Variants in DIAPH3 observed in about 807,000 individuals in gnomAD.
The protein encoded by DIAPH3 is protein diaphanous homolog 3.
A neutral mutation model predicts 144.3 loss-of-function variants in DIAPH3; 117 were observed. The observed-to-expected ratio is 0.81, with a 90% confidence interval of 0.70 to 0.95. The LOEUF (loss-of-function observed/expected upper bound fraction) is 0.95, where lower values mean the gene tolerates loss of function less well. Among genes scored for constraint, DIAPH3 ranks in the 40% least tolerant of loss-of-function variants. The probability of loss-of-function intolerance (pLI) is 0.00; values close to 1 mark genes in which losing one functional copy is unlikely to be tolerated. For missense variants in DIAPH3, 1,421 were observed against 1,412.7 expected (o/e 1.01, Z -0.09); for synonymous variants, 519 against 488.9 (o/e 1.06, Z -0.81).
intron 7 of DIAPH3, 59 bp from the exon 8 acceptor site, chr13:60,010,728 C>T: frequency 2.0e-6 from 3 of 1,538,452 alleles, no homozygotes; most frequent in South Asian, 2.3e-5. Context: ...AAATAATACC[C>T]TGAAGGAAAT....
chr13:59,833,269 T>A lies in DIAPH3; in HGVS notation c.2865A>T (p.Arg955Ser). The A allele has an allele frequency of 6.2e-7, 1 of 1,605,768 alleles. No individual in the cohort carries two copies. The highest frequency in any genetic ancestry group is 1.3e-5 in the African/African-American group (1 of 74,762). Residue 955 changes from arginine (R) to serine (S), a missense_variant and splice_region_variant, in exon 24 of 28, where the codon AGA becomes AGT. Arg to Ser is a moderately radical substitution (Grantham distance 110). Transcript: ENST00000400324. ...ATTGTTCTTTTGCACTGATAACAAA[T>A]CTGTATACTATAGTTAAGGTATTCT... ...LHDKFVTKMS[R>S]FVISAKEQYE... is the part of the protein sequence containing the mutation.
chr13:59,748,651 C>A (rs532178332), intron 27 of DIAPH3, among the ~76,000 whole-genome samples: 1 of 152,262 alleles, frequency 6.6e-6, no homozygotes, highest in East Asian at 1.9e-4. Flanking sequence ...TTTACAAATC[C>A]ATTTTTCTTC....
chr13:60,073,528 T>C (rs998609704), intron 4 of DIAPH3, among the ~76,000 whole-genome samples: 11 of 152,214 alleles, frequency 7.2e-5, no homozygotes, highest in African/African-American at 2.7e-4. Context: ...ATACATAAAT[T>C]CTTCAAATAT....
At chr13:59,690,906 A>G (rs999934747) in intron 27 of DIAPH3, among the ~76,000 whole-genome samples, 8 of 152,208 alleles carry the variant, frequency 5.3e-5, no homozygotes, top group African/African-American at 1.9e-4. Flanking sequence ...AATAAATTAT[A>G]AATAAGTGCT....
At chr13:60,160,081 G>A (rs566101280) in intron 1 of DIAPH3, among the ~76,000 whole-genome samples, 26 of 152,230 alleles carry the variant, frequency 1.7e-4, no homozygotes, top group Middle Eastern at 3.4e-3. Context: ...AAAATTAGCC[G>A]GGCGTTGCGG....
At chr13:59,972,051 T>C (rs1172407511) in intron 15 of DIAPH3, among the ~76,000 whole-genome samples, 1 of 152,174 alleles carries the variant, frequency 6.6e-6, no homozygotes, top group Non-Finnish European at 1.5e-5. Flanking sequence ...GCTGATGAGG[T>C]AAGTGACTAT....
intron 24 of DIAPH3, among the ~76,000 whole-genome samples, chr13:59,821,595 T>TA (rs1203141272): frequency 2.6e-5 from 4 of 152,134 alleles, no homozygotes; most frequent in African/African-American, 9.6e-5. Context: ...TAACTAAATG[T>TA]AAAAATGTAA....
At chr13:59,732,659 T>C (rs1416917282) in intron 27 of DIAPH3, among the ~76,000 whole-genome samples, 1 of 151,992 alleles carries the variant, frequency 6.6e-6, no homozygotes, top group Non-Finnish European at 1.5e-5. Flanking sequence ...CCCAAGCCAA[T>C]CTCAAACTGC....
chr13:60,046,177 A>AT (rs2056054074), intron 4 of DIAPH3, among the ~76,000 whole-genome samples: 2 of 152,200 alleles, frequency 1.3e-5, no homozygotes. Context: ...CTGAATCCAC[A>AT]TTTTATAAAG....
chr13:59,769,605 G>T (rs143508580), intron 27 of DIAPH3, among the ~76,000 whole-genome samples: 1 of 151,010 alleles, frequency 6.6e-6, no homozygotes, highest in Non-Finnish European at 1.5e-5. Context: ...CATAGCAGCC[G>T]ATTCATACTG....
intron 5 of DIAPH3, among the ~76,000 whole-genome samples, chr13:60,028,712 T>C (rs752632513): frequency 7.9e-5 from 12 of 152,166 alleles, no homozygotes; most frequent in Admixed American, 6.5e-5. Context: ...AGGGGTTTGC[T>C]TGATGTCTCA....
rs542721286 is a variant in DIAPH3 at position 60,121,436 on chromosome 13, T to G, written c.214-9250A>C. ...TTGTGGTGGAAAAGGAGAAAGTAAC[T>G]CAAGTTCCAATGCCTTCAGTGAATC... On this transcript the variant is annotated intron_variant, in intron 2 of 27. Coordinates refer to ENST00000400324, the MANE Select transcript of DIAPH3 (RefSeq NM_001042517.2). Among the ~76,000 whole-genome samples the G allele has an allele frequency of 5.3e-5, 8 of 152,144 alleles. No individual in the cohort carries two copies. In the East Asian group the frequency reaches 1.4e-3, roughly 26 times the overall value.
At chr13:60,039,556 A>C (rs765523762) in intron 5 of DIAPH3, among the ~76,000 whole-genome samples, 8 of 152,104 alleles carry the variant, frequency 5.3e-5, no homozygotes, top group Non-Finnish European at 1.0e-4. Context: ...CGCTCGTCTC[A>C]GCCTCCCAAA....
At position 59,980,819 on chromosome 13, in the gene DIAPH3, C is replaced by G. The variant is rs1295333130; in HGVS notation, c.1521G>C (p.Glu507Asp). Reference sequence around the variant, plus strand: ...CTTTCTTGTAAAGTTCTGATGCTTTCTCTTCAAACTCTTCTAGTTTTGCTT... The same window carrying G: ...CTTTCTTGTAAAGTTCTGATGCTTTGTCTTCAAACTCTTCTAGTTTTGCTT... Reference protein sequence around the residue: ...IDQAKLEEFEEKASELYKKFE... With the variant: ...IDQAKLEEFEDKASELYKKFE... Residue 507 changes from glutamate (E) to aspartate (D), a missense_variant, in exon 14 of 28, where the codon GAG becomes GAC. Transcript: ENST00000400324. The G allele has an allele frequency of 5.6e-6, 9 of 1,609,450 alleles. No individual in the cohort carries two copies. Among genetic ancestry groups the G allele is most frequent in the African/African-American group, 1.3e-5 (1 of 74,614 alleles).
At chr13:59,911,960 C>T in intron 19 of DIAPH3, 124 bp from the exon 20 acceptor site, 2 of 783,812 alleles carry the variant, frequency 2.6e-6, no homozygotes, top group Non-Finnish European at 4.1e-6. Flanking sequence ...TCTAGGTAAC[C>T]TCCCTCCTAA....
In DIAPH3 at chr13:60,111,072, T is replaced by C. The variant is rs146832287; in HGVS notation, c.390+938A>G. On this transcript the variant is annotated intron_variant, in intron 3 of 27. Coordinates refer to ENST00000400324, the MANE Select transcript of DIAPH3 (RefSeq NM_001042517.2). ...TAACTTAGTAGCCACAAGTGAACCA[T>C]AAAAGTGTCATCCTGAAATCTCATG... Among the ~76,000 whole-genome samples the C allele has an allele frequency of 2.5e-4, 38 of 152,240 alleles. No homozygotes were observed. The East Asian group carries it at 5.0e-3, about 20-fold the overall frequency.
At chr13:60,048,068 C>T (rs1454900332) in intron 4 of DIAPH3, among the ~76,000 whole-genome samples, 1 of 152,198 alleles carries the variant, frequency 6.6e-6, no homozygotes, top group Non-Finnish European at 1.5e-5. Context: ...TGAATGCCTG[C>T]ACATGCAGTG....
chr13:59,839,903 G>T (rs1029803574), intron 22 of DIAPH3, among the ~76,000 whole-genome samples: 9 of 152,120 alleles, frequency 5.9e-5, no homozygotes, highest in African/African-American at 4.8e-5. Context: ...TATCTACAAT[G>T]GGAAAGAAAA....
At chr13:59,739,980 AGAGGATGTG>A (rs2036364937) in intron 27 of DIAPH3, among the ~76,000 whole-genome samples, 1 of 152,194 alleles carries the variant, frequency 6.6e-6, no homozygotes, top group African/African-American at 2.4e-5. Context: ...TCAATAATCT[AGAGGATGTG>A]CCTAGGTTAC....
Sources: gnomAD v4.1 joint callset for allele counts (sites outside exome capture counted in the v4.1 genomes callset) on GRCh38, gnomAD v4.1.1 for gene constraint, MANE v1.5 for transcripts, NCBI Gene and HGNC (gene_info 2026-07-23, HGNC 2026-07-21) for gene names.